The following GOLT1B variants were observed in gnomAD, a reference collection of about 807,000 sequenced individuals.
GOLT1B encodes the protein golgi transport 1B, also known as vesicle transport protein GOT1B.
GOLT1B carries 3 observed loss-of-function variants against 15.4 expected under a neutral mutation model. The ratio of observed to expected loss-of-function variants is 0.19; its 90% confidence interval spans 0.09 to 0.50. GOLT1B has a LOEUF of 0.50. GOLT1B is among the 20% of genes least tolerant of loss of function. The probability of loss-of-function intolerance (pLI) is 0.97; values close to 1 mark genes in which losing one functional copy is unlikely to be tolerated. For missense variants in GOLT1B, 145 were observed against 160.4 expected (o/e 0.90, Z 0.52); for synonymous variants, 65 against 56.2 (o/e 1.16, Z -0.70).
At chr12:21,503,273 C>T (rs533320644) in intron 1 of GOLT1B, among the ~76,000 whole-genome samples, 11 of 152,244 alleles carry the variant, frequency 7.2e-5, no homozygotes, top group South Asian at 6.2e-4. Context: ...TTATAAGAGC[C>T]CTGTAAGGCT....
chr12:21,508,410 G>C lies in GOLT1B; in HGVS notation c.145G>C (p.Val49Leu), dbSNP rs762824979. ...TTTATTTGTAGCCGGCTTGGCTTTTGTAATTGGTTTAGAAAGAACATTCAG... is the reference window on the plus strand; with the variant it reads ...TTTATTTGTAGCCGGCTTGGCTTTTCTAATTGGTTTAGAAAGAACATTCAG... ...NVLFVAGLAF[V>L]IGLERTFRFF... Residue 49 changes from valine (V) to leucine (L), a missense_variant, in exon 3 of 5, where the codon GTA (valine) becomes CTA (leucine). Coordinates refer to ENST00000229314, the MANE Select transcript of GOLT1B (RefSeq NM_016072.5). The C allele has an allele frequency of 1.3e-6, 2 of 1,572,012 alleles. No individual in the cohort carries two copies. The highest frequency in any genetic ancestry group is 1.7e-6 in the Non-Finnish European group (2 of 1,160,990).
chr12:21,508,677 A>G (rs1419992737), intron 3 of GOLT1B, 116 bp downstream of exon 3: 1 of 639,478 alleles, frequency 1.6e-6, no homozygotes, highest in Non-Finnish European at 2.7e-6. Context: ...ATGGAATTTT[A>G]TTTAGGTTGA....
chr12:21,516,628 C>G lies in GOLT1B; in HGVS notation c.*921C>G, dbSNP rs1459194359. ...TCTTTTTTTTAAATTTTAGCAGTGGCTTATTATTTGTTTTTCATAAATTAA... is the reference window on the plus strand; with the variant it reads ...TCTTTTTTTTAAATTTTAGCAGTGGGTTATTATTTGTTTTTCATAAATTAA... On this transcript the variant is annotated 3_prime_UTR_variant, in exon 5 of 5. Coordinates refer to ENST00000229314, the MANE Select transcript of GOLT1B (RefSeq NM_016072.5). 4.0e-5 allele frequency: 6 copies of G among 151,626 alleles called. No homozygotes were observed. The highest frequency in any genetic ancestry group is 2.0e-4 in the Admixed American group (3 of 15,226). The allele number at this position is 151,626 out of a possible 1,614,324, so 9.4% of individuals were successfully genotyped here. A position where few individuals can be genotyped will look rare whatever the true frequency, so the allele number is the denominator to read the frequency against.
At position 21,506,964 on chromosome 12, in the gene GOLT1B, G is replaced by A. The variant is rs758706925; in HGVS notation, c.105G>A (p.Leu35=). The change falls in exon 2 of 5, where the codon CTG becomes CTA. Residue 35 remains leucine (L), a synonymous_variant. Coordinates refer to ENST00000229314, the MANE Select transcript of GOLT1B (RefSeq NM_016072.5). ...GMILFFDKAL[L]AIGNVLFVAG... The stretch of plus-strand genomic sequence containing the variant: ...TTCTCTTTTTTGACAAAGCACTACT[G>A]GCTATTGGAAATGTGAGTTTTTAAA... 7.5e-7 allele frequency: 1 copy of A among 1,339,300 alleles called. No individual in the cohort carries two copies. The highest frequency in any genetic ancestry group is 1.2e-5 in the South Asian group (1 of 81,442). 83.0% of individuals were successfully genotyped at this position (1,339,300 alleles called of 1,614,324 possible).
chr12:21,511,685 G>A (rs188988119), intron 3 of GOLT1B, among the ~76,000 whole-genome samples: 57 of 152,282 alleles, frequency 3.7e-4, no homozygotes. Flanking sequence ...AGAAAATGAG[G>A]TCAAAGACCA....
chr12:21,507,796 T>C (rs1943690174), intron 2 of GOLT1B: 1 of 320,828 alleles, frequency 3.1e-6, no homozygotes, highest in Admixed American at 4.1e-5. Flanking sequence ...GTCCACAGAA[T>C]ACATTCAAAA....
At chr12:21,512,234 G>T in intron 3 of GOLT1B, 61 bp from the exon 4 acceptor site, 1 of 837,966 alleles carries the variant, frequency 1.2e-6, no homozygotes, top group Admixed American at 2.1e-5. Context: ...TCCTTGGTTA[G>T]CAATTATTTT....
chr12:21,503,539 G>A (rs1188477747), intron 1 of GOLT1B, among the ~76,000 whole-genome samples: 1 of 152,190 alleles, frequency 6.6e-6, no homozygotes, highest in Non-Finnish European at 1.5e-5. Flanking sequence ...AAGAGAGTGG[G>A]TTTGGACTAT....
intron 3 of GOLT1B, among the ~76,000 whole-genome samples, chr12:21,511,687 C>G (rs1306556227): frequency 6.6e-6 from 1 of 152,144 alleles, no homozygotes; most frequent in Non-Finnish European, 1.5e-5. Context: ...AAAATGAGGT[C>G]AAAGACCAAA....
intron 1 of GOLT1B, among the ~76,000 whole-genome samples, chr12:21,502,712 T>C (rs1411842145): frequency 1.3e-5 from 2 of 152,322 alleles, no homozygotes; most frequent in African/African-American, 4.8e-5. Flanking sequence ...TTTTCTTTCA[T>C]TATAATATTT....
chr12:21,513,868 C>G (rs889240957), intron 4 of GOLT1B, among the ~76,000 whole-genome samples: 2 of 152,196 alleles, frequency 1.3e-5, no homozygotes, highest in African/African-American at 2.4e-5. Context: ...TCCTTGAGGG[C>G]AGAGACAGGT....
chr12:21,506,274 CAAG>C (rs1296982509), intron 1 of GOLT1B, among the ~76,000 whole-genome samples: 1 of 151,924 alleles, frequency 6.6e-6, no homozygotes, highest in East Asian at 1.9e-4. Context: ...AATAAGTAAT[CAAG>C]AAATTAAAAG....
Position 21,503,374 on chromosome 12 carries a change from C to A in GOLT1B, c.25+1426C>A, listed in dbSNP as rs74452475. On this transcript the variant is annotated intron_variant, in intron 1 of 4. Transcript: ENST00000229314. The stretch of plus-strand genomic sequence containing the variant: ...AAAAGTGACAGAAACAAAACTTGAT[C>A]CCAGGTGTGCTGGCTCAGAAACCTT... 3.6e-3 allele frequency among the ~76,000 whole-genome samples: 544 copies of A among 152,244 alleles called. 3 individuals carry two copies. The highest frequency in any genetic ancestry group is 0.012 in the African/African-American group (500 of 41,538).
At chr12:21,506,855 C>T (rs921074205) in intron 1 of GOLT1B, 30 bp from the exon 2 acceptor site, 3 of 914,998 alleles carry the variant, frequency 3.3e-6, no homozygotes, top group Non-Finnish European at 5.2e-6. Flanking sequence ...TAATTTTTCT[C>T]TACCCTTAAC....
At chr12:21,512,832 A>C (rs1200523263) in intron 4 of GOLT1B, among the ~76,000 whole-genome samples, 1 of 152,142 alleles carries the variant, frequency 6.6e-6, no homozygotes, top group African/African-American at 2.4e-5. Flanking sequence ...TGGGAGGCTG[A>C]GGTGGGTGAA....
intron 4 of GOLT1B, among the ~76,000 whole-genome samples, chr12:21,513,887 A>T (rs944892156): frequency 1.3e-5 from 2 of 152,222 alleles, no homozygotes; most frequent in Admixed American, 6.5e-5. Context: ...GTTGTATTTT[A>T]GTCATTGTTC....
At chr12:21,514,638 T>TA (rs562419649) in intron 4 of GOLT1B, among the ~76,000 whole-genome samples, 50 of 152,298 alleles carry the variant, frequency 3.3e-4, no homozygotes, top group Admixed American at 9.2e-4. Flanking sequence ...CTTATAGGGG[T>TA]ATACTCTGAT....
intron 3 of GOLT1B, 84 bp from the exon 4 acceptor site, chr12:21,512,211 G>T: frequency 1.3e-6 from 1 of 753,260 alleles, no homozygotes. Flanking sequence ...ATTTTAACAG[G>T]ATACTTTCTT....
At position 21,512,289 on chromosome 12, in the gene GOLT1B, T is replaced by A; in HGVS notation, c.297-6T>A. On this transcript the variant is annotated splice_polypyrimidine_tract_variant and splice_region_variant and intron_variant, in intron 3 of 4. Coordinates refer to ENST00000229314, the MANE Select transcript of GOLT1B (RefSeq NM_016072.5). ...ATATTAAGAACCTTTTTTTTCCCTC[T>A]CCCAGGGGCTTCTTTCCTGTCGTTG... 6.8e-7 allele frequency: 1 copy of A among 1,473,270 alleles called. No individual in the cohort carries two copies. The highest frequency in any genetic ancestry group is 9.5e-7 in the Non-Finnish European group (1 of 1,057,158). 91.3% of individuals were successfully genotyped at this position (1,473,270 alleles called of 1,614,324 possible). A position where few individuals can be genotyped will look rare whatever the true frequency, so the allele number is the denominator to read the frequency against.
Sources: gnomAD v4.1 joint callset for allele counts (sites outside exome capture counted in the v4.1 genomes callset) on GRCh38, gnomAD v4.1.1 for gene constraint, MANE v1.5 for transcripts, NCBI Gene and HGNC (gene_info 2026-07-23, HGNC 2026-07-21) for gene names.